Variants in ADGRL2 observed in about 807,000 individuals in gnomAD.
The protein encoded by ADGRL2 is adhesion G protein-coupled receptor L2.
ADGRL2 carries 44 observed loss-of-function variants against 157.4 expected under a neutral mutation model. The ratio of observed to expected loss-of-function variants is 0.28; its 90% CI spans 0.22 to 0.36. The LOEUF (loss-of-function observed/expected upper bound fraction) is 0.36. Among genes scored for constraint, ADGRL2 ranks in the 10% least tolerant of loss-of-function variants. The pLI, the probability that ADGRL2 is intolerant of heterozygous loss-of-function variation, is 1.00. For missense variants in ADGRL2, 1,510 were observed against 1,768.9 expected, an observed-to-expected ratio of 0.85 and a Z score of 2.63; for synonymous variants, 585 against 624.7, an observed-to-expected ratio of 0.94 and a Z score of 0.95.
intron 1 of ADGRL2, chr1:81,426,460 G>C: frequency 2.6e-6 from 1 of 388,910 alleles, no homozygotes; most frequent in South Asian, 1.9e-5. Context: ...TCTCAAAATG[G>C]AGGTAAAACT....
intron 21 of ADGRL2, 50 bp downstream of exon 21, chr1:81,985,405 A>G: frequency 1.0e-6 from 1 of 990,736 alleles, no homozygotes; most frequent in Non-Finnish European, 1.6e-6. Flanking sequence ...AAGTACATAT[A>G]AGTTCCTTTT....
At chr1:81,918,630 C>G (rs191538768) in intron 3 of ADGRL2, among the ~76,000 whole-genome samples, 312 of 152,082 alleles carry the variant, frequency 2.1e-3, no homozygotes, top group African/African-American at 7.2e-3. Context: ...AGCACGAGCT[C>G]TTGTGGCAGT....
chr1:81,771,476 T>G (rs2086365869), intron 2 of ADGRL2, among the ~76,000 whole-genome samples: 1 of 152,080 alleles, frequency 6.6e-6, no homozygotes, highest in Non-Finnish European at 1.5e-5. Flanking sequence ...TAACCTTATC[T>G]ACAAATAAAT....
intron 1 of ADGRL2, chr1:81,721,582 C>G: frequency 1.9e-6 from 1 of 521,106 alleles, no homozygotes; most frequent in East Asian, 3.4e-5. Context: ...ATGGCAAACC[C>G]CAGTTTCTAC....
intron 1 of ADGRL2, among the ~76,000 whole-genome samples, chr1:81,387,950 T>G (rs2076466861): frequency 6.6e-6 from 1 of 152,154 alleles, no homozygotes; most frequent in Non-Finnish European, 1.5e-5. Flanking sequence ...TAGTTCTCAA[T>G]GCTTTTTCTA....
chr1:81,465,322 T>C (rs1026255768), intron 2 of ADGRL2, among the ~76,000 whole-genome samples: 1 of 152,222 alleles, frequency 6.6e-6, no homozygotes, highest in African/African-American at 2.4e-5. Flanking sequence ...TAGGGAATTA[T>C]ATAAATTAGA....
rs1664758708 is a variant in ADGRL2 at position 81,992,616 on chromosome 1, G to A, written c.*1471G>A. On this transcript the variant is annotated 3_prime_UTR_variant, in exon 24 of 24. Coordinates refer to ENST00000686636, the MANE Select transcript of ADGRL2 (RefSeq NM_001366006.2). ...CCACTACATATGCACAAAATCTGCT[G>A]GATAAGTTTTAAGAGGGATATATTC... Among the ~76,000 whole-genome samples the A allele has an allele frequency of 2.0e-5, 3 of 151,970 alleles. No homozygotes were observed. Among genetic ancestry groups the A allele is most frequent in the African/African-American group, 7.3e-5 (3 of 41,378 alleles).
chr1:81,422,276 G>T (rs4130664), intron 1 of ADGRL2, among the ~76,000 whole-genome samples: 1 of 151,658 alleles, frequency 6.6e-6, no homozygotes, highest in African/African-American at 2.4e-5. Flanking sequence ...ACGGAGTCTC[G>T]TTCTGTTGCC....
intron 1 of ADGRL2, among the ~76,000 whole-genome samples, chr1:81,368,647 C>T (rs1307141606): frequency 6.6e-6 from 1 of 152,166 alleles, no homozygotes; most frequent in East Asian, 1.9e-4. Flanking sequence ...CAGTACCTTC[C>T]AATCCTTAAT....
intron 1 of ADGRL2, among the ~76,000 whole-genome samples, chr1:81,748,255 G>C (rs1051458362): frequency 6.6e-6 from 1 of 151,980 alleles, no homozygotes; most frequent in South Asian, 2.1e-4. Flanking sequence ...AAGATGGACA[G>C]ATCACGAGGT....
chr1:81,475,245 C>G (rs1419871277), intron 2 of ADGRL2, among the ~76,000 whole-genome samples: 1 of 152,090 alleles, frequency 6.6e-6, no homozygotes, highest in East Asian at 1.9e-4. Flanking sequence ...TACTGCCTTT[C>G]AAAATATAGG....
intron 2 of ADGRL2, among the ~76,000 whole-genome samples, chr1:81,852,063 A>G (rs533900190): frequency 1.3e-4 from 20 of 152,052 alleles, no homozygotes; most frequent in Non-Finnish European, 7.4e-5. Context: ...AAACGTAAGA[A>G]TTTTTCATTG....
chr1:81,423,779 G>C (rs1570928687), intron 1 of ADGRL2, among the ~76,000 whole-genome samples: 1 of 152,138 alleles, frequency 6.6e-6, no homozygotes, highest in Non-Finnish European at 1.5e-5. Context: ...GCACCACTAA[G>C]ATGAATTTCA....
intron 2 of ADGRL2, among the ~76,000 whole-genome samples, chr1:81,904,452 G>C (rs2148241104): frequency 6.6e-6 from 1 of 152,274 alleles, no homozygotes; most frequent in Non-Finnish European, 1.5e-5. Flanking sequence ...AATTTATAAA[G>C]AAAAGAGTTT....
chr1:81,649,224 T>C (rs184263741), intron 3 of ADGRL2, among the ~76,000 whole-genome samples: 55 of 152,254 alleles, frequency 3.6e-4, no homozygotes, highest in Admixed American at 1.4e-3. Flanking sequence ...TTTCACCTAA[T>C]CCCACCTCTT....
chr1:81,323,019 A>C (rs1051994537), intron 1 of ADGRL2, among the ~76,000 whole-genome samples: 1 of 151,824 alleles, frequency 6.6e-6, no homozygotes, highest in African/African-American at 2.4e-5. Context: ...CACCACACCC[A>C]GCTAATTTTT....
At chr1:81,930,838 T>C (rs1184498943) in intron 3 of ADGRL2, among the ~76,000 whole-genome samples, 3 of 151,948 alleles carry the variant, frequency 2.0e-5, no homozygotes, top group Non-Finnish European at 4.4e-5. Flanking sequence ...ATGAGTAAAA[T>C]TCAGTGTTTT....
intron 3 of ADGRL2, among the ~76,000 whole-genome samples, chr1:81,662,771 G>A (rs1380719510): frequency 6.7e-6 from 1 of 149,722 alleles, no homozygotes; most frequent in Non-Finnish European, 1.5e-5. Context: ...TGGCCAGGCT[G>A]GTCTTGAACT....
At chr1:81,912,559 G>T (rs2094755082) in intron 3 of ADGRL2, among the ~76,000 whole-genome samples, 1 of 152,064 alleles carries the variant, frequency 6.6e-6, no homozygotes, top group Admixed American at 6.6e-5. Context: ...TAAACATAAA[G>T]TTGAATAGTT....
Sources: gnomAD v4.1 joint callset for allele counts (sites outside exome capture counted in the v4.1 genomes callset) on GRCh38, gnomAD v4.1.1 for gene constraint, MANE v1.5 for transcripts, NCBI Gene and HGNC (gene_info 2026-07-23, HGNC 2026-07-21) for gene names.